The following KIF27 variants were observed in gnomAD, a reference collection of about 807,000 sequenced individuals.
KIF27 encodes the protein kinesin family member 27.
Under a neutral mutation model 141.8 loss-of-function variants are expected in KIF27, and 84 were observed. The observed-to-expected ratio is 0.59, with a 90% CI of 0.50 to 0.71. The LOEUF (loss-of-function observed/expected upper bound fraction) is 0.71, where lower values mean the gene tolerates loss of function less well. KIF27 is among the 30% of genes least tolerant of loss of function. The pLI, the probability that KIF27 is intolerant of heterozygous loss-of-function variation, is 0.00. For synonymous variants in KIF27, 471 were observed against 569.5 expected (o/e 0.83, Z 2.46); for missense variants, 1,306 against 1,628.4 (o/e 0.80, Z 3.41).
intron 1 of KIF27, among the ~76,000 whole-genome samples, chr9:83,920,982 C>T (rs1015088937): frequency 1.3e-5 from 2 of 152,084 alleles, no homozygotes; most frequent in African/African-American, 2.4e-5. Context: ...GCCCTCGCGT[C>T]GCACCTCACG....
chr9:83,870,511 T>G lies in KIF27; in HGVS notation c.2757+8A>C. Reference sequence around the variant, plus strand: ...GAAACCAGGAAACACTAAATAGAATTGACAAACCTGGAGATGGTCTATACT... The same window carrying G: ...GAAACCAGGAAACACTAAATAGAATGGACAAACCTGGAGATGGTCTATACT... On this transcript the variant is annotated splice_region_variant and intron_variant, in intron 12 of 17. Coordinates refer to ENST00000297814, the MANE Select transcript of KIF27 (RefSeq NM_017576.4). 1 of 1,613,634 alleles carries G rather than the reference T, an allele frequency of 6.2e-7. No individual in the cohort carries two copies. The highest frequency in any genetic ancestry group is 8.5e-7 in the Non-Finnish European group (1 of 1,179,700).
intron 1 of KIF27, among the ~76,000 whole-genome samples, chr9:83,918,361 A>C (rs1955916188): frequency 1.4e-5 from 2 of 141,242 alleles, no homozygotes; most frequent in African/African-American, 2.7e-5. Context: ...GGAGGGAGGG[A>C]GGGAAGGAAA....
intron 11 of KIF27, among the ~76,000 whole-genome samples, chr9:83,873,930 T>C (rs1951002002): frequency 6.6e-6 from 1 of 152,004 alleles, no homozygotes; most frequent in Non-Finnish European, 1.5e-5. Context: ...CAAGTGCCTG[T>C]AGTCCCAGCT....
At chr9:83,915,244 T>A (rs1955572314) in intron 2 of KIF27, 50 bp downstream of exon 2, 2 of 1,484,936 alleles carry the variant, frequency 1.3e-6, no homozygotes, top group South Asian at 1.3e-5. Flanking sequence ...GTCATATTTT[T>A]GCTTCTTTCT....
intron 16 of KIF27, among the ~76,000 whole-genome samples, chr9:83,848,420 G>A (rs1471295487): frequency 7.7e-6 from 1 of 130,712 alleles, no homozygotes; most frequent in Non-Finnish European, 1.6e-5. Flanking sequence ...TGATATATAT[G>A]TATATATCTA....
At chr9:83,919,623 G>C (rs1257147923) in intron 1 of KIF27, among the ~76,000 whole-genome samples, 2 of 150,330 alleles carry the variant, frequency 1.3e-5, no homozygotes, top group African/African-American at 4.9e-5. Context: ...GGCCCAGCAC[G>C]GTGGTTCACA....
At chr9:83,893,076 A>G (rs577556859) in intron 5 of KIF27, among the ~76,000 whole-genome samples, 34 of 152,266 alleles carry the variant, frequency 2.2e-4, no homozygotes, top group African/African-American at 7.5e-4. Flanking sequence ...TTCTCTACAA[A>G]AAATACAAGA....
At chr9:83,867,318 C>G (rs959242082) in intron 13 of KIF27, among the ~76,000 whole-genome samples, 1 of 151,962 alleles carries the variant, frequency 6.6e-6, no homozygotes, top group African/African-American at 2.4e-5. Context: ...TGTTCATGTT[C>G]AAGTTTTTGT....
chr9:83,894,630 C>T (rs139869333), intron 5 of KIF27, among the ~76,000 whole-genome samples: 2 of 152,232 alleles, frequency 1.3e-5, no homozygotes, highest in Non-Finnish European at 2.9e-5. Context: ...ACTTAGTTTC[C>T]CCGCCAGATA....
At chr9:83,917,619 A>G (rs1955826537) in intron 1 of KIF27, among the ~76,000 whole-genome samples, 1 of 152,242 alleles carries the variant, frequency 6.6e-6, no homozygotes, top group African/African-American at 2.4e-5. Flanking sequence ...ATAGATCAAC[A>G]GAATAGAATT....
At chr9:83,878,563 C>T in intron 11 of KIF27, among the ~76,000 whole-genome samples, 1 of 147,006 alleles carries the variant, frequency 6.8e-6, no homozygotes, top group East Asian at 2.0e-4. Flanking sequence ...TGGAATATTA[C>T]TTGGCAATAA....
At chr9:83,878,040 T>A in intron 11 of KIF27, among the ~76,000 whole-genome samples, 1 of 151,592 alleles carries the variant, frequency 6.6e-6, no homozygotes, top group East Asian at 1.9e-4. Flanking sequence ...GGCGGGTGCC[T>A]GTAGTCCCAG....
Position 83,834,852 on chromosome 9 carries a change from AAT to A in KIF27, c.*2147_*2148del, listed in dbSNP as rs900184238. 2.7e-5 allele frequency among the ~76,000 whole-genome samples: 4 copies of A among 148,016 alleles called. No homozygotes were observed. The highest frequency in any genetic ancestry group is 5.9e-5 in the Non-Finnish European group (4 of 67,434). ...TATATAATGATATATCATGATATAAAATATGATATGAAATAATATAAAGTGAA... is the reference window on the plus strand; with the variant it reads ...TATATAATGATATATCATGATATAAAATGATATGAAATAATATAAAGTGAA... On this transcript the variant is annotated 3_prime_UTR_variant, in exon 18 of 18. Transcript: ENST00000297814.
At chr9:83,845,129 C>G (rs34909729) in intron 16 of KIF27, among the ~76,000 whole-genome samples, 1 of 152,088 alleles carries the variant, frequency 6.6e-6, no homozygotes, top group African/African-American at 2.4e-5. Context: ...CTCTCCCAGG[C>G]CCCCCATAAG....
chr9:83,896,524 A>C (rs1226669786), intron 5 of KIF27, among the ~76,000 whole-genome samples: 5 of 152,186 alleles, frequency 3.3e-5, no homozygotes. Flanking sequence ...AATTATTTGC[A>C]ATATTTCTGC....
chr9:83,870,682 T>TAAGTATGC, intron 11 of KIF27, 50 bp from the exon 12 acceptor site: 1 of 1,582,324 alleles, frequency 6.3e-7, no homozygotes. Context: ...ACCTGACCAT[T>TAAGTATGC]AAGTATGCTG....
At chr9:83,909,200 G>T (rs142998985) in intron 2 of KIF27, among the ~76,000 whole-genome samples, 1 of 152,060 alleles carries the variant, frequency 6.6e-6, no homozygotes, top group South Asian at 2.1e-4. Context: ...TGTACCTGGA[G>T]GAAAAAAAAT....
At position 83,863,254 on chromosome 9, in the gene KIF27, A is replaced by C. The variant is rs7859928; in HGVS notation, c.2935-3883T>G. The stretch of plus-strand genomic sequence containing the variant: ...AGAGAGGGCATCCCTGTCTTGTGCC[A>C]GTTTTCAAAGGGAATGCTTCCAGTT... On this transcript the variant is annotated intron_variant, in intron 13 of 17. Coordinates refer to ENST00000297814, the MANE Select transcript of KIF27 (RefSeq NM_017576.4). Among the ~76,000 whole-genome samples, 651 of 152,170 alleles carry C rather than the reference A, an allele frequency of 4.3e-3. 3 individuals are homozygous for C. Among genetic ancestry groups the C allele is most frequent in the Admixed American group, 9.2e-3 (141 of 15,284 alleles).
At chr9:83,872,906 T>C (rs1380060095) in intron 11 of KIF27, among the ~76,000 whole-genome samples, 1 of 152,100 alleles carries the variant, frequency 6.6e-6, no homozygotes, top group Non-Finnish European at 1.5e-5. Context: ...CCATATACAA[T>C]TGCCCAGCCT....
Sources: allele counts gnomAD v4.1 joint callset (sites outside exome capture counted in the v4.1 genomes callset), GRCh38; gene constraint gnomAD v4.1.1; transcripts MANE v1.5; gene names NCBI Gene and HGNC (gene_info 2026-07-23, HGNC 2026-07-21).